PTPRM: variants seen among roughly 807,000 people sequenced by gnomAD.
PTPRM encodes the protein receptor-type tyrosine-protein phosphatase mu.
In PTPRM, 47 loss-of-function variants were observed where a neutral mutation model predicts 186.7. That is an observed-to-expected ratio of 0.25 (90% confidence interval 0.20 to 0.32). PTPRM has a LOEUF of 0.32. Ranked by LOEUF, PTPRM falls within the 10% of genes least tolerant of loss-of-function variation. PTPRM has a pLI of 1.00. For synonymous variants in PTPRM, 668 were observed against 674.9 expected, an observed-to-expected ratio of 0.99 and a Z score of 0.16; for missense variants, 1,494 against 1,865.0, an observed-to-expected ratio of 0.80 and a Z score of 3.66.
At position 7,949,261 on chromosome 18, in the gene PTPRM, G is replaced by A; in HGVS notation, c.744G>A (p.Val248=). The change falls in exon 6 of 33, where the codon GTG becomes GTA. Residue 248 remains valine, a synonymous_variant. Transcript: ENST00000580170. ...SRRFIASFNV[V]NTTKRDAGKY... ...GCTTCATTGCTTCATTTAATGTTGT[G>A]AATACCACCAAACGAGATGCTGGAA... 1 of 1,613,576 alleles carries A rather than the reference G, an allele frequency of 6.2e-7. No individual in the cohort carries two copies. Among genetic ancestry groups the A allele is most frequent in the South Asian group, 1.1e-5 (1 of 91,058 alleles).
At chr18:7,872,091 C>T (rs1270958895) in intron 2 of PTPRM, among the ~76,000 whole-genome samples, 4 of 152,156 alleles carry the variant, frequency 2.6e-5, no homozygotes, top group South Asian at 4.2e-4. Context: ...TCAGATTATC[C>T]GTCATTGGTG....
chr18:7,859,114 C>T (rs527539681), intron 2 of PTPRM, among the ~76,000 whole-genome samples: 5 of 152,122 alleles, frequency 3.3e-5, no homozygotes, highest in African/African-American at 4.8e-5. Flanking sequence ...TACTGATATT[C>T]CCAGTTTTGT....
At chr18:7,979,135 C>T (rs905962621) in intron 7 of PTPRM, among the ~76,000 whole-genome samples, 29 of 152,146 alleles carry the variant, frequency 1.9e-4, no homozygotes, top group Non-Finnish European at 3.1e-4. Flanking sequence ...ATGATTTCTG[C>T]AGATGATCTA....
At chr18:8,156,608 G>C (rs747767014) in intron 14 of PTPRM, among the ~76,000 whole-genome samples, 1 of 152,186 alleles carries the variant, frequency 6.6e-6, no homozygotes, top group Non-Finnish European at 1.5e-5. Context: ...CCTAGTCTAA[G>C]TCAGTGCATC....
chr18:8,039,834 A>G (rs138146924), intron 7 of PTPRM, among the ~76,000 whole-genome samples: 1 of 152,318 alleles, frequency 6.6e-6, no homozygotes, highest in East Asian at 1.9e-4. Context: ...TAGAGGTGAC[A>G]GGCCATGTAG....
Position 8,402,162 on chromosome 18 carries a change from A to G in PTPRM, c.4345-3947A>G, listed in dbSNP as rs186477032. Among the ~76,000 whole-genome samples the G allele has an allele frequency of 3.3e-4, 50 of 152,336 alleles. 1 individual carries two copies. Among genetic ancestry groups the G allele is most frequent in the Admixed American group, 2.8e-3 (43 of 15,302 alleles). On this transcript the variant is annotated intron_variant, in intron 32 of 32. Coordinates refer to ENST00000580170, the MANE Select transcript of PTPRM (RefSeq NM_001105244.2). ...AGACCTATACCTGGTAATCAAATGTAATCAGTTTCCAATGTAGGAAGATTT... is the reference window on the plus strand; with the variant it reads ...AGACCTATACCTGGTAATCAAATGTGATCAGTTTCCAATGTAGGAAGATTT...
intron 1 of PTPRM, among the ~76,000 whole-genome samples, chr18:7,571,733 G>A (rs2036571003): frequency 6.6e-6 from 1 of 152,180 alleles, no homozygotes; most frequent in African/African-American, 2.4e-5. Flanking sequence ...AATAAAGCCT[G>A]TAATTTAGTT....
In PTPRM at chr18:7,668,006, C is replaced by T. The variant is rs761188168; in HGVS notation, c.73+100115C>T. Among the ~76,000 whole-genome samples the T allele has an allele frequency of 1.3e-5, 2 of 152,130 alleles. No homozygotes were observed. Among genetic ancestry groups the T allele is most frequent in the Non-Finnish European group, 2.9e-5 (2 of 68,044 alleles). ...AGGTAATCGAAGGGCAGTCCACCTA[C>T]GTGCCACAAGTTCTGAGTAAATGTG... is the stretch of plus-strand genomic sequence containing the variant. On this transcript the variant is annotated intron_variant, in intron 1 of 32. Coordinates refer to ENST00000580170, the MANE Select transcript of PTPRM (RefSeq NM_001105244.2). The surrounding 1 kb of genome is among the most constrained non-coding windows in gnomAD (Gnocchi z 4.7).
chr18:8,240,777 G>GGAGGGAGAGA (rs2094420075), intron 14 of PTPRM, among the ~76,000 whole-genome samples: 58 of 57,260 alleles, frequency 1.0e-3, no homozygotes, highest in African/African-American at 2.5e-3. Flanking sequence ...AGAGAGAGAG[G>GGAGGGAGAGA]GAGAGAGAGA....
intron 5 of PTPRM, among the ~76,000 whole-genome samples, chr18:7,943,824 G>C (rs1327438714): frequency 1.3e-5 from 2 of 152,136 alleles, no homozygotes; most frequent in Non-Finnish European, 2.9e-5. Context: ...GGCCAACCCA[G>C]ATAATCCAGT....
intron 7 of PTPRM, among the ~76,000 whole-genome samples, chr18:7,982,573 A>G (rs916638375): frequency 5.9e-5 from 9 of 152,018 alleles, no homozygotes; most frequent in African/African-American, 1.9e-4. Context: ...TTAAAAAAGT[A>G]TATTATAGTA....
At chr18:7,812,305 T>C (rs2044566410) in intron 2 of PTPRM, among the ~76,000 whole-genome samples, 1 of 152,224 alleles carries the variant, frequency 6.6e-6, no homozygotes, top group Non-Finnish European at 1.5e-5. Flanking sequence ...ATAGATTCTC[T>C]TAGGTGCATT....
intron 1 of PTPRM, among the ~76,000 whole-genome samples, chr18:7,731,698 T>G (rs2040662567): frequency 6.6e-6 from 1 of 152,208 alleles, no homozygotes; most frequent in African/African-American, 2.4e-5. Flanking sequence ...GTCTTATCAG[T>G]ATCTTTTAGG....
chr18:7,593,353 C>T (rs1450083210), intron 1 of PTPRM, among the ~76,000 whole-genome samples: 1 of 152,162 alleles, frequency 6.6e-6, no homozygotes, highest in Non-Finnish European at 1.5e-5. Context: ...AAAGTAATTG[C>T]CCTGATAAGC....
intron 14 of PTPRM, among the ~76,000 whole-genome samples, chr18:8,148,915 A>G (rs1169104495): frequency 2.0e-5 from 3 of 152,132 alleles, no homozygotes; most frequent in Non-Finnish European, 2.9e-5. Context: ...TTTACCCAGT[A>G]GTCATTCAGG....
At chr18:8,378,217 C>T in intron 26 of PTPRM, 48 bp from the exon 27 acceptor site, 1 of 1,536,800 alleles carries the variant, frequency 6.5e-7, no homozygotes, top group Non-Finnish European at 9.0e-7. Flanking sequence ...GTCTTTCCTC[C>T]TTCTCTGGTT....
At chr18:7,810,689 G>A (rs1282484073) in intron 2 of PTPRM, among the ~76,000 whole-genome samples, 1 of 151,506 alleles carries the variant, frequency 6.6e-6, no homozygotes, top group African/African-American at 2.4e-5. Flanking sequence ...TTTGCAGGGG[G>A]GCATTAAATC....
chr18:7,859,135 A>G (rs1431316079), intron 2 of PTPRM, among the ~76,000 whole-genome samples: 4 of 152,224 alleles, frequency 2.6e-5, no homozygotes, highest in African/African-American at 9.6e-5. Context: ...GTAAACGTCT[A>G]CAAAATGAGT....
At chr18:7,838,975 C>T (rs1253968939) in intron 2 of PTPRM, among the ~76,000 whole-genome samples, 3 of 152,202 alleles carry the variant, frequency 2.0e-5, no homozygotes, top group Non-Finnish European at 4.4e-5. Context: ...GGAGTACTGC[C>T]AGACTACCAC....
Sources: allele counts gnomAD v4.1 joint callset (sites outside exome capture counted in the v4.1 genomes callset), GRCh38; gene constraint gnomAD v4.1.1; non-coding constraint Gnocchi (gnomAD v3.1); transcripts MANE v1.5; gene names NCBI Gene and HGNC (gene_info 2026-07-23, HGNC 2026-07-21).